Variants in CACNA1C observed in about 807,000 individuals in gnomAD.
CACNA1C encodes the protein calcium voltage-gated channel subunit alpha1 C.
CACNA1C carries 30 observed loss-of-function variants against 229.0 expected under a neutral mutation model. That is an observed-to-expected ratio of 0.13 (90% CI 0.10 to 0.18). The LOEUF is 0.18. Among genes scored for constraint, CACNA1C ranks in the 10% least tolerant of loss-of-function variants. The probability of loss-of-function intolerance (pLI) is 1.00; values close to 1 mark genes in which losing one functional copy is unlikely to be tolerated. For missense variants in CACNA1C, 1,658 were observed against 2,845.0 expected, an observed-to-expected ratio of 0.58 and a Z score of 9.49; for synonymous variants, 1,114 against 1,132.5, an observed-to-expected ratio of 0.98 and a Z score of 0.33.
intron 29 of CACNA1C, among the ~76,000 whole-genome samples, chr12:2,631,439 C>T (rs1411216756): frequency 6.6e-6 from 1 of 152,218 alleles, no homozygotes; most frequent in Non-Finnish European, 1.5e-5. Flanking sequence ...GTATTCATAT[C>T]GAGAGGGTCA....
chr12:2,500,750 C>T (rs1289447680), intron 7 of CACNA1C, among the ~76,000 whole-genome samples: 2 of 152,138 alleles, frequency 1.3e-5, no homozygotes, highest in African/African-American at 2.4e-5. Flanking sequence ...CAGAACAGAC[C>T]AGTTGTTTGG....
At chr12:2,039,158 T>G (rs1440304096) in intron 1 of CACNA1C, among the ~76,000 whole-genome samples, 3 of 152,078 alleles carry the variant, frequency 2.0e-5, no homozygotes, top group South Asian at 2.1e-4. Context: ...TCATGCAGAG[T>G]TCCAATCCCC....
chr12:2,334,740 T>C (rs2096641999), intron 3 of CACNA1C, among the ~76,000 whole-genome samples: 1 of 150,022 alleles, frequency 6.7e-6, no homozygotes, highest in Admixed American at 6.6e-5. Context: ...AGCTATAAAA[T>C]TAAGAGAATA....
chr12:2,241,515 G>A (rs563586569), intron 3 of CACNA1C, among the ~76,000 whole-genome samples: 138 of 152,286 alleles, frequency 9.1e-4, no homozygotes, highest in Non-Finnish European at 1.3e-3. Context: ...AGGTGGGGGA[G>A]TGGCAGGACC....
At chr12:2,225,420 G>C (rs951772110) in intron 3 of CACNA1C, among the ~76,000 whole-genome samples, 5 of 152,148 alleles carry the variant, frequency 3.3e-5, no homozygotes, top group African/African-American at 1.2e-4. Context: ...AAAGAAATCA[G>C]TTATCAAGAA....
At chr12:2,130,330 T>C (rs2091896895) in intron 3 of CACNA1C, among the ~76,000 whole-genome samples, 1 of 151,116 alleles carries the variant, frequency 6.6e-6, no homozygotes, top group Admixed American at 6.6e-5. Context: ...TACTTTAGGT[T>C]TTAGGGTACA....
intron 3 of CACNA1C, among the ~76,000 whole-genome samples, chr12:2,352,717 C>G (rs1230247166): frequency 6.6e-6 from 1 of 151,576 alleles, no homozygotes; most frequent in Non-Finnish European, 1.5e-5. Context: ...TGAATTAGCA[C>G]TGCATTACTT....
rs111475069 is a variant in CACNA1C, at chr12:2,397,883, G to A, written c.478-51093G>A. Reference sequence around the variant, plus strand: ...CGGGCAGCTAGCTGTGGCAGACAGCGTGCTTTGTCCCTCAGATGAGTCACA... The same window carrying A: ...CGGGCAGCTAGCTGTGGCAGACAGCATGCTTTGTCCCTCAGATGAGTCACA... On this transcript the variant is annotated intron_variant, in intron 3 of 46. Transcript: ENST00000399655. Among the ~76,000 whole-genome samples, 687 of 152,370 alleles carry A rather than the reference G, an allele frequency of 4.5e-3. 4 individuals carry two copies. The highest frequency in any genetic ancestry group is 4.3e-3 in the Non-Finnish European group (295 of 68,038).
At chr12:2,544,197 G>C (rs1450487579) in intron 9 of CACNA1C, among the ~76,000 whole-genome samples, 1 of 151,114 alleles carries the variant, frequency 6.6e-6, no homozygotes, top group Non-Finnish European at 1.5e-5. Context: ...TCCACACTTT[G>C]TACCTTAAAG....
chr12:2,071,555 C>G (rs916662583), intron 1 of CACNA1C, among the ~76,000 whole-genome samples: 6 of 152,094 alleles, frequency 3.9e-5, no homozygotes, highest in African/African-American at 1.2e-4. Flanking sequence ...TATCTCTCCC[C>G]TAGTCACTCT....
At chr12:2,362,405 C>T (rs931274725) in intron 3 of CACNA1C, among the ~76,000 whole-genome samples, 4 of 152,200 alleles carry the variant, frequency 2.6e-5, no homozygotes, top group African/African-American at 9.7e-5. Context: ...GGATACTTCC[C>T]TTCTCCTTTA....
chr12:2,625,641 TATATC>T (rs2085998930), intron 29 of CACNA1C, among the ~76,000 whole-genome samples: 1 of 151,916 alleles, frequency 6.6e-6, no homozygotes, highest in African/African-American at 2.4e-5. Flanking sequence ...GGTGTGAACT[TATATC>T]ATTCTCACAA....
At chr12:2,046,829 C>T (rs747937305) in intron 1 of CACNA1C, among the ~76,000 whole-genome samples, 16 of 152,156 alleles carry the variant, frequency 1.1e-4, no homozygotes, top group Non-Finnish European at 2.2e-4. Context: ...GGGATCTGGT[C>T]CATCCTATGG....
chr12:2,296,695 G>C (rs2094073812), intron 3 of CACNA1C, among the ~76,000 whole-genome samples: 1 of 152,222 alleles, frequency 6.6e-6, no homozygotes, highest in African/African-American at 2.4e-5. Flanking sequence ...ATAAGGGAAA[G>C]GGAAGCCAGG....
chr12:2,487,279 G>A (rs1212893925), intron 6 of CACNA1C, among the ~76,000 whole-genome samples: 3 of 151,540 alleles, frequency 2.0e-5, no homozygotes, highest in Non-Finnish European at 1.5e-5. Context: ...AACAGTGAAG[G>A]ATACCTAATT....
At position 2,419,587 on chromosome 12, in the gene CACNA1C, C is replaced by T. The variant is rs550116498; in HGVS notation, c.478-29389C>T. ...ATCATGTGTCACATCAAATTAGACT[C>T]GTTAGGGCATAAGCAGGGGCCCCGC... On this transcript the variant is annotated intron_variant, in intron 3 of 46. Coordinates refer to ENST00000399655, the MANE Select transcript of CACNA1C (RefSeq NM_000719.7). 3.3e-5 allele frequency among the ~76,000 whole-genome samples: 5 copies of T among 152,290 alleles called. No homozygotes were observed. In the East Asian group the frequency reaches 5.8e-4, roughly 18 times the overall value.
chr12:2,245,566 C>G (rs546272321), intron 3 of CACNA1C, among the ~76,000 whole-genome samples: 21 of 152,334 alleles, frequency 1.4e-4, no homozygotes, highest in Admixed American at 7.8e-4. Flanking sequence ...AGCAGTTATA[C>G]TATTTCCTTT....
Position 2,581,823 on chromosome 12 carries a change from C to T in CACNA1C, c.2103+26C>T, listed in dbSNP as rs201557566. The T allele has an allele frequency of 1.1e-4, 167 of 1,464,672 alleles. No homozygotes were observed. In the Admixed American group the frequency reaches 2.3e-3, roughly 20 times the overall value. 90.7% of individuals were successfully genotyped at this position (1,464,672 alleles called of 1,614,324 possible). On this transcript the variant is annotated intron_variant, in intron 14 of 46. Coordinates refer to ENST00000399655, the MANE Select transcript of CACNA1C (RefSeq NM_000719.7). ...GTATGGACTCTTCTCTGCTGGGATT[C>T]GGACTCGGGGTGGTTGAGTGGCGGG... is the stretch of plus-strand genomic sequence containing the variant.
At position 2,691,577 on chromosome 12, in the gene CACNA1C, A is replaced by G. The variant is rs1448316851; in HGVS notation, c.*378A>G. ...GACTCTGCTTGTAGAAACCATTTGC[A>G]CATATTCTGTACGAGCCTCGCTGTC... On this transcript the variant is annotated 3_prime_UTR_variant, in exon 47 of 47. Transcript: ENST00000399655. 1 of 187,784 alleles carries G rather than the reference A, an allele frequency of 5.3e-6. No homozygotes were observed. The highest frequency in any genetic ancestry group is 1.1e-5 in the Non-Finnish European group (1 of 91,756). The allele number at this position is 187,784 out of a possible 1,614,324, so 11.6% of individuals were successfully genotyped here. A position where few individuals can be genotyped will look rare whatever the true frequency, so the allele number is the denominator to read the frequency against.
Sources: gnomAD v4.1 joint callset for allele counts (sites outside exome capture counted in the v4.1 genomes callset) on GRCh38, gnomAD v4.1.1 for gene constraint, MANE v1.5 for transcripts, NCBI Gene and HGNC (gene_info 2026-07-23, HGNC 2026-07-21) for gene names.